NXPE3: variants seen among roughly 807,000 people sequenced by gnomAD.
NXPE3 encodes the protein neurexophilin and PC-esterase domain family member 3, also known as NXPE family member 3.
In NXPE3, 26 loss-of-function variants were observed where a neutral mutation model predicts 46.1. That is an observed-to-expected ratio of 0.56 (90% CI 0.41 to 0.78). The LOEUF (loss-of-function observed/expected upper bound fraction) is 0.78. Among genes scored for constraint, NXPE3 ranks in the 30% least tolerant of loss-of-function variants. The probability of loss-of-function intolerance (pLI) is 0.00; values close to 1 mark genes in which losing one functional copy is unlikely to be tolerated. For synonymous variants in NXPE3, 272 were observed against 257.9 expected (o/e 1.05, Z -0.52); for missense variants, 620 against 686.0 (o/e 0.90, Z 1.07).
In NXPE3 at chr3:101,823,143, A is replaced by C. The variant is rs1352946551; in HGVS notation, c.*1189A>C. 6.6e-6 allele frequency: 1 copy of C among 152,050 alleles called. No homozygotes were observed. Among genetic ancestry groups the C allele is most frequent in the Non-Finnish European group, 1.5e-5 (1 of 68,002 alleles). The allele number at this position is 152,050 out of a possible 1,614,324, so 9.4% of individuals were successfully genotyped here. A position where few individuals can be genotyped will look rare whatever the true frequency, so the allele number is the denominator to read the frequency against. Reference sequence around the variant, plus strand: ...CTCTTTTCTTTTTGAGCTGTGATAGATTATAGTCTAGTTTAAGTTGCTCCT... The same window carrying C: ...CTCTTTTCTTTTTGAGCTGTGATAGCTTATAGTCTAGTTTAAGTTGCTCCT... On this transcript the variant is annotated 3_prime_UTR_variant, in exon 8 of 8. Coordinates refer to ENST00000273347, the MANE Select transcript of NXPE3 (RefSeq NM_145037.4).
In NXPE3 at chr3:101,801,376, G is replaced by A; in HGVS notation, c.235G>A (p.Asp79Asn). Reference protein sequence around the residue: ...TLSSQERMEEDSLLAALHRQV... With the variant: ...TLSSQERMEENSLLAALHRQV... ...GTCCAGCCAGGAGCGCATGGAGGAG[G>A]ACTCCTTGCTGGCTGCCTTGCACCG... Residue 79 changes from aspartate to asparagine, a missense_variant, in exon 5 of 8, where the codon GAC (aspartate) becomes AAC (asparagine). Physicochemically the swap from Asp to Asn is conservative, Grantham distance 23. Transcript: ENST00000273347. 6.2e-7 allele frequency: 1 copy of A among 1,614,222 alleles called. No homozygotes were observed. The highest frequency in any genetic ancestry group is 1.3e-5 in the African/African-American group (1 of 75,062).
chr3:101,801,738 C>T lies in NXPE3; in HGVS notation c.597C>T (p.Arg199=), dbSNP rs1321712348. Residue 199 remains arginine, a synonymous_variant, in exon 5 of 8, where the codon CGC becomes CGT. Transcript: ENST00000273347. ...HPSEGIRVLQ[R]LQEDKPDRVY... ...GTGAAGGGATCAGAGTTCTTCAGCG[C>T]TTACAGGAAGATAAACCAGACAGGG... 1.2e-6 allele frequency: 2 copies of T among 1,614,228 alleles called. No homozygotes were observed. The highest frequency in any genetic ancestry group is 1.7e-6 in the Non-Finnish European group (2 of 1,180,036).
At chr3:101,807,603 C>T (rs1033008820) in intron 6 of NXPE3, among the ~76,000 whole-genome samples, 24 of 151,940 alleles carry the variant, frequency 1.6e-4, no homozygotes, top group Admixed American at 1.3e-3. Flanking sequence ...GGATTACAGA[C>T]ATGTGCACGG....
At chr3:101,817,047 T>C (rs1397621983) in intron 7 of NXPE3, 46 bp downstream of exon 7, 4 of 1,533,114 alleles carry the variant, frequency 2.6e-6, no homozygotes, top group Admixed American at 1.7e-5. Flanking sequence ...CACATCAGCT[T>C]TGAAATAAGC....
intron 4 of NXPE3, among the ~76,000 whole-genome samples, chr3:101,786,489 A>C (rs531610047): frequency 6.6e-6 from 1 of 152,240 alleles, no homozygotes; most frequent in Non-Finnish European, 1.5e-5. Flanking sequence ...TGAAATGGGC[A>C]CACTAAGGTC....
In NXPE3 at chr3:101,808,818, GATAT is replaced by G. The variant is rs58006464; in HGVS notation, c.922+1727_922+1730del. Among the ~76,000 whole-genome samples the G allele has an allele frequency of 6.0e-3, 184 of 30,808 alleles. 6 individuals are homozygous for G. The highest frequency in any genetic ancestry group is 0.031 in the South Asian group (17 of 540). 20.2% of individuals were successfully genotyped at this position (30,808 alleles called of 152,430 possible). A position where few individuals can be genotyped will look rare whatever the true frequency, so the allele number is the denominator to read the frequency against. ...ACCAAATGAATTACTAATTTTAGAGGATATATATATATATATATATATATATATA... is the reference window on the plus strand; with the variant it reads ...ACCAAATGAATTACTAATTTTAGAGGATATATATATATATATATATATATA... On this transcript the variant is annotated intron_variant, in intron 6 of 7. Transcript: ENST00000273347.
intron 4 of NXPE3, among the ~76,000 whole-genome samples, chr3:101,787,407 A>G (rs1334339035): frequency 6.6e-6 from 1 of 152,140 alleles, no homozygotes; most frequent in East Asian, 1.9e-4. Context: ...CCTGGGTTCA[A>G]GCGATTCTCA....
intron 6 of NXPE3, among the ~76,000 whole-genome samples, chr3:101,813,726 TTTAA>T (rs1250796210): frequency 1.3e-5 from 2 of 152,226 alleles, no homozygotes; most frequent in African/African-American, 2.4e-5. Context: ...TATTTTTTGT[TTTAA>T]TTATTTTTAT....
chr3:101,807,664 C>T (rs1387907666), intron 6 of NXPE3, among the ~76,000 whole-genome samples: 1 of 151,812 alleles, frequency 6.6e-6, no homozygotes, highest in South Asian at 2.1e-4. Context: ...CTTGCCAGCC[C>T]TCTTCTGTTT....
chr3:101,813,881 G>A (rs1941838369), intron 6 of NXPE3, among the ~76,000 whole-genome samples: 1 of 152,092 alleles, frequency 6.6e-6, no homozygotes, highest in African/African-American at 2.4e-5. Context: ...TATTAAAATT[G>A]TCAGGAAATG....
chr3:101,812,670 G>A (rs1941767288), intron 6 of NXPE3, among the ~76,000 whole-genome samples: 1 of 151,832 alleles, frequency 6.6e-6, no homozygotes, highest in African/African-American at 2.4e-5. Context: ...AAACTAGCCG[G>A]GCGTGGTGGC....
At chr3:101,790,232 T>C (rs745309427) in intron 4 of NXPE3, among the ~76,000 whole-genome samples, 9 of 152,208 alleles carry the variant, frequency 5.9e-5, no homozygotes, top group Non-Finnish European at 1.0e-4. Flanking sequence ...TAAATGTCAG[T>C]TAGATCAACA....
At chr3:101,785,316 A>G in intron 3 of NXPE3, 86 bp from the exon 4 acceptor site, 1 of 356,674 alleles carries the variant, frequency 2.8e-6, no homozygotes. Context: ...AGATAAGGTT[A>G]AGGAAGAGGA....
intron 3 of NXPE3, among the ~76,000 whole-genome samples, chr3:101,784,419 A>G (rs1940026430): frequency 6.6e-6 from 1 of 152,098 alleles, no homozygotes; most frequent in South Asian, 2.1e-4. Context: ...TGGCATTGTC[A>G]TTGTGGTTGG....
chr3:101,822,139 G>C lies in NXPE3; in HGVS notation c.*185G>C, dbSNP rs897698648. On this transcript the variant is annotated 3_prime_UTR_variant, in exon 8 of 8. Coordinates refer to ENST00000273347, the MANE Select transcript of NXPE3 (RefSeq NM_145037.4). The stretch of plus-strand genomic sequence containing the variant: ...CAGGTTACATTTATATCTACCTATA[G>C]GATTTTATCCAATGTTGACTTAGCC... The C allele has an allele frequency of 3.3e-5, 19 of 582,984 alleles. No homozygotes were observed. The highest frequency in any genetic ancestry group is 3.2e-4 in the African/African-American group (17 of 53,776). The allele number at this position is 582,984 out of a possible 1,614,324, so 36.1% of individuals were successfully genotyped here.
At chr3:101,808,873 ATC>A (rs2107321055) in intron 6 of NXPE3, among the ~76,000 whole-genome samples, 1 of 103,670 alleles carries the variant, frequency 9.6e-6, no homozygotes, top group African/African-American at 3.8e-5. Flanking sequence ...TTTATCTTTT[ATC>A]TGTTTGGGCC....
intron 6 of NXPE3, among the ~76,000 whole-genome samples, chr3:101,814,518 A>G (rs775871265): frequency 6.6e-6 from 1 of 152,224 alleles, no homozygotes; most frequent in Admixed American, 6.5e-5. Context: ...GTCAAATAGA[A>G]CATCATCTTT....
chr3:101,819,775 CTTCTT>C (rs1272504621), intron 7 of NXPE3, among the ~76,000 whole-genome samples: 1 of 152,126 alleles, frequency 6.6e-6, no homozygotes, highest in Non-Finnish European at 1.5e-5. Flanking sequence ...TTTAAAATCT[CTTCTT>C]TTAGCAGTTT....
At chr3:101,786,942 G>A (rs1207660667) in intron 4 of NXPE3, among the ~76,000 whole-genome samples, 2 of 152,008 alleles carry the variant, frequency 1.3e-5, no homozygotes, top group Non-Finnish European at 2.9e-5. Context: ...GATTACCTAG[G>A]TCAGGCGCAG....
Sources: gnomAD v4.1 joint callset for allele counts (sites outside exome capture counted in the v4.1 genomes callset) on GRCh38, gnomAD v4.1.1 for gene constraint, MANE v1.5 for transcripts, NCBI Gene and HGNC (gene_info 2026-07-23, HGNC 2026-07-21) for gene names.